GCM1: variants seen among roughly 807,000 people sequenced by gnomAD.
GCM1 encodes the protein GCM transcription factor 1, also known as chorion-specific transcription factor GCMa.
GCM1 carries 2 observed loss-of-function variants against 25.7 expected under a neutral mutation model. The ratio of observed to expected loss-of-function variants is 0.08; its 90% CI spans 0.03 to 0.24. The LOEUF (loss-of-function observed/expected upper bound fraction) is 0.24. Ranked by LOEUF, GCM1 falls within the 10% of genes least tolerant of loss-of-function variation. The probability of loss-of-function intolerance (pLI) is 1.00; values close to 1 mark genes in which losing one functional copy is unlikely to be tolerated. For missense variants in GCM1, 395 were observed against 538.7 expected, an observed-to-expected ratio of 0.73 and a Z score of 2.64; for synonymous variants, 183 against 195.7, an observed-to-expected ratio of 0.94 and a Z score of 0.54.
intron 2 of GCM1, 142 bp downstream of exon 2, chr6:53,145,416 A>C: frequency 1.5e-6 from 1 of 669,262 alleles, no homozygotes; most frequent in Non-Finnish European, 2.7e-6. Flanking sequence ...AAAATCCCTC[A>C]GTCGGCTGTC....
At chr6:53,145,824 C>T (rs895261564) in intron 1 of GCM1, 56 bp from the exon 2 acceptor site, 3 of 497,764 alleles carry the variant, frequency 6.0e-6, no homozygotes, top group East Asian at 7.0e-5. Flanking sequence ...AAAAAAACCC[C>T]AATGCTCCTC....
At chr6:53,135,183 G>A (rs1023219324) in intron 2 of GCM1, among the ~76,000 whole-genome samples, 1 of 152,168 alleles carries the variant, frequency 6.6e-6, no homozygotes, top group Non-Finnish European at 1.5e-5. Flanking sequence ...GTTTCCATTT[G>A]CAAGATGAAA....
chr6:53,137,010 C>T (rs1460866932), intron 2 of GCM1, among the ~76,000 whole-genome samples: 1 of 152,062 alleles, frequency 6.6e-6, no homozygotes, highest in Non-Finnish European at 1.5e-5. Flanking sequence ...GTCCAAGTCC[C>T]TATAAAATAA....
At chr6:53,137,073 A>G (rs1462726293) in intron 2 of GCM1, among the ~76,000 whole-genome samples, 4 of 152,190 alleles carry the variant, frequency 2.6e-5, no homozygotes, top group Non-Finnish European at 4.4e-5. Context: ...AGGGCATGAC[A>G]GTGGCTAGCC....
At chr6:53,146,218 T>TATATATATATA (rs1562092598) in intron 1 of GCM1, among the ~76,000 whole-genome samples, 1 of 41,110 alleles carries the variant, frequency 2.4e-5, no homozygotes, top group African/African-American at 8.8e-5. Context: ...ATATATATAT[T>TATATATATATA]TTTTTTTTTT....
At chr6:53,131,964 C>A (rs375563607) in intron 4 of GCM1, 43 bp downstream of exon 4, 518 of 1,083,696 alleles carry the variant, frequency 4.8e-4, no homozygotes, top group Non-Finnish European at 4.6e-4. Flanking sequence ...TGGTGAAACT[C>A]CTCAGTAATG....
intron 2 of GCM1, among the ~76,000 whole-genome samples, chr6:53,140,720 G>T (rs1763861098): frequency 6.6e-6 from 1 of 152,072 alleles, no homozygotes; most frequent in Non-Finnish European, 1.5e-5. Flanking sequence ...AAACAGAGTG[G>T]ATATTCTCCT....
intron 3 of GCM1, 120 bp downstream of exon 3, chr6:53,133,952 T>C (rs1763762222): frequency 2.0e-6 from 2 of 979,562 alleles, no homozygotes; most frequent in East Asian, 5.2e-5. Flanking sequence ...CAGCCTTGGC[T>C]GCCACTACAC....
chr6:53,132,221 A>T, intron 3 of GCM1, 102 bp from the exon 4 acceptor site: 1 of 757,518 alleles, frequency 1.3e-6, no homozygotes, highest in South Asian at 1.5e-5. Context: ...AGGACGGCAG[A>T]GTATAAATCT....
chr6:53,132,880 T>C (rs975427029), intron 3 of GCM1, among the ~76,000 whole-genome samples: 2 of 152,188 alleles, frequency 1.3e-5, no homozygotes, highest in Non-Finnish European at 2.9e-5. Context: ...GGGAAAAATA[T>C]AAAGTAACTT....
At chr6:53,146,466 C>T (rs146477767) in intron 1 of GCM1, among the ~76,000 whole-genome samples, 5 of 151,898 alleles carry the variant, frequency 3.3e-5, no homozygotes, top group South Asian at 2.1e-4. Context: ...GTGATCTACC[C>T]GCCTCGGACT....
chr6:53,147,984 C>G (rs1763988814), intron 1 of GCM1, among the ~76,000 whole-genome samples: 1 of 152,132 alleles, frequency 6.6e-6, no homozygotes, highest in Non-Finnish European at 1.5e-5. Context: ...CTCTTCCTGT[C>G]TGTTCCACAT....
chr6:53,131,733 G>A (rs890557935), intron 4 of GCM1, among the ~76,000 whole-genome samples: 1 of 152,220 alleles, frequency 6.6e-6, no homozygotes, highest in African/African-American at 2.4e-5. Flanking sequence ...CCAGCAGCAT[G>A]CAGCATGCGG....
At chr6:53,147,555 A>G (rs1054409906) in intron 1 of GCM1, among the ~76,000 whole-genome samples, 1 of 150,994 alleles carries the variant, frequency 6.6e-6, no homozygotes, top group African/African-American at 2.4e-5. Context: ...CAGCCTCCCA[A>G]GTAGCTGGGA....
intron 1 of GCM1, among the ~76,000 whole-genome samples, chr6:53,147,233 G>A (rs919936118): frequency 5.3e-5 from 8 of 152,010 alleles, no homozygotes; most frequent in African/African-American, 1.9e-4. Flanking sequence ...TTTTGCAGAT[G>A]AAAGCTACTT....
At chr6:53,134,517 G>T (rs1763770189) in intron 2 of GCM1, among the ~76,000 whole-genome samples, 193 bp from the exon 3 acceptor site, 4 of 152,208 alleles carry the variant, frequency 2.6e-5, no homozygotes, top group Admixed American at 1.3e-4. Context: ...ACTGAGTGCT[G>T]TGTCTGTCAG....
chr6:53,141,554 G>A (rs997399997), intron 2 of GCM1, among the ~76,000 whole-genome samples: 1 of 152,116 alleles, frequency 6.6e-6, no homozygotes, highest in East Asian at 1.9e-4. Flanking sequence ...GGACACGGTG[G>A]CAGGTGCAAG....
chr6:53,142,849 G>A (rs1351569694), intron 2 of GCM1, among the ~76,000 whole-genome samples: 1 of 67,792 alleles, frequency 1.5e-5, no homozygotes, highest in African/African-American at 4.7e-5. Context: ...TTTCAGAAAA[G>A]GTAAACAACT....
chr6:53,143,340 A>T (rs1235466302), intron 2 of GCM1, among the ~76,000 whole-genome samples: 1 of 152,174 alleles, frequency 6.6e-6, no homozygotes, highest in Non-Finnish European at 1.5e-5. Flanking sequence ...ATGAGCCTCA[A>T]GTTTCCCTAT....
Sources: gnomAD v4.1 joint callset for allele counts (sites outside exome capture counted in the v4.1 genomes callset) on GRCh38, gnomAD v4.1.1 for gene constraint, MANE v1.5 for transcripts, NCBI Gene and HGNC (gene_info 2026-07-23, HGNC 2026-07-21) for gene names.